The following LRP5 variants were observed in gnomAD, a reference collection of about 807,000 sequenced individuals.
The protein encoded by LRP5 is low-density lipoprotein receptor-related protein 5.
A neutral mutation model predicts 154.1 loss-of-function variants in LRP5; 62 were observed. The ratio of observed to expected loss-of-function variants is 0.40; its 90% confidence interval spans 0.33 to 0.50. The LOEUF is 0.50. LRP5 is among the 20% of genes least tolerant of loss of function. The probability of loss-of-function intolerance (pLI) is 0.55; values close to 1 mark genes in which losing one functional copy is unlikely to be tolerated. For synonymous variants in LRP5, 966 were observed against 1,011.5 expected (o/e 0.96, Z 0.85); for missense variants, 1,915 against 2,336.7 (o/e 0.82, Z 3.72).
Position 68,423,500 on chromosome 11 carries a change from G to C in LRP5, c.3039G>C (p.Leu1013Phe). 3.1e-6 allele frequency: 5 copies of C among 1,614,072 alleles called. No individual in the cohort carries two copies. The highest frequency in any genetic ancestry group is 4.2e-6 in the Non-Finnish European group (5 of 1,179,984). ...TCTTTGTCTTACAGCCCTTTGTTTT[G>C]ACCTCTCTGAGCCAAGGCCAAAACC... The part of the protein sequence containing the change: ...AKDDGTQPFV[L>F]TSLSQGQNPD... The change falls in exon 14 of 23, where the codon TTG (leucine) becomes TTC (phenylalanine). Residue 1013 changes from leucine (L) to phenylalanine (F), a missense_variant. By Grantham distance (22) the Leu-to-Phe change is conservative. Around this residue, in one of 3 missense-constraint regions of LRP5, gnomAD observed 1,094 missense variants for 1,210.1 expected, o/e 0.90. Transcript: ENST00000294304. This position sits in a 1 kb window ranked among gnomAD's most constrained non-coding sequence, Gnocchi z 4.7.
intron 5 of LRP5, among the ~76,000 whole-genome samples, chr11:68,370,352 C>T (rs892420150): frequency 1.3e-5 from 2 of 151,948 alleles, no homozygotes; most frequent in Non-Finnish European, 2.9e-5. Context: ...TTCCTGCAAG[C>T]GGGGGAGAGG....
intron 1 of LRP5, among the ~76,000 whole-genome samples, chr11:68,320,750 C>T (rs562114710): frequency 6.6e-5 from 10 of 152,258 alleles, no homozygotes; most frequent in South Asian, 2.1e-4. Context: ...ACATAAGCCA[C>T]GGTGCCAGCC....
intron 5 of LRP5, among the ~76,000 whole-genome samples, chr11:68,367,996 C>G (rs537538827): frequency 6.8e-6 from 1 of 146,908 alleles, no homozygotes; most frequent in East Asian, 2.0e-4. Flanking sequence ...GCCTAGGAGG[C>G]GGAGGTTGCA....
intron 2 of LRP5, among the ~76,000 whole-genome samples, chr11:68,351,130 A>T (rs2098618155): frequency 6.6e-6 from 1 of 152,124 alleles, no homozygotes; most frequent in African/African-American, 2.4e-5. Context: ...GGTGGAATTT[A>T]TCGCCAAAGT....
chr11:68,326,541 C>T (rs1489414278), intron 1 of LRP5, among the ~76,000 whole-genome samples: 1 of 152,248 alleles, frequency 6.6e-6, no homozygotes, highest in Non-Finnish European at 1.5e-5. Context: ...AGTGCCTTTG[C>T]CCCGCTCTGA....
At chr11:68,408,242 A>ATTTTTTTTTTTTTTTTTTTTTTTTTTTTT (rs11299690) in intron 9 of LRP5, among the ~76,000 whole-genome samples, 2 of 52,110 alleles carry the variant, frequency 3.8e-5, no homozygotes, top group African/African-American at 7.1e-5. Context: ...CTCCTGGCTG[A>ATTTTTTTTTTTTTTTTTTTTTTTTTTTTT]TTTTTTTTTT....
At position 68,410,145 on chromosome 11, in the gene LRP5, G is replaced by A; in HGVS notation, c.2318+5G>A. On this transcript the variant is annotated splice_donor_5th_base_variant and intron_variant, in intron 10 of 22. Transcript: ENST00000294304. The stretch of plus-strand genomic sequence containing the variant: ...GGCCCTGGATCCCACCAAGGGGTAA[G>A]TGTTTGCCTGTCCCGTGCGTCCTTG... The A allele has an allele frequency of 6.2e-7, 1 of 1,612,072 alleles. No homozygotes were observed. The highest frequency in any genetic ancestry group is 8.5e-7 in the Non-Finnish European group (1 of 1,178,738).
chr11:68,320,418 T>C (rs2098596076), intron 1 of LRP5, among the ~76,000 whole-genome samples: 1 of 152,124 alleles, frequency 6.6e-6, no homozygotes, highest in Admixed American at 6.6e-5. Context: ...CCTTGGCCCA[T>C]TTTTCTGTTG....
upstream of LRP5, among the ~76,000 whole-genome samples, chr11:68,309,772 G>A (rs2098586668): frequency 6.6e-6 from 1 of 152,062 alleles, no homozygotes; most frequent in Admixed American, 6.6e-5. Flanking sequence ...CCTGTGGCTG[G>A]AGCCCTGAGC....
chr11:68,407,709 T>C (rs1385178090), intron 9 of LRP5, among the ~76,000 whole-genome samples: 2 of 151,544 alleles, frequency 1.3e-5, no homozygotes, highest in East Asian at 3.9e-4. Context: ...TAACCGGGCA[T>C]GGCGGCGCCT....
At chr11:68,371,584 T>C (rs1390575453) in intron 5 of LRP5, among the ~76,000 whole-genome samples, 1 of 152,280 alleles carries the variant, frequency 6.6e-6, no homozygotes, top group African/African-American at 2.4e-5. Flanking sequence ...GGTTCCTCTG[T>C]GGCTTTCCAG....
chr11:68,386,737 T>TGGAGCCA lies in LRP5; in HGVS notation c.1412+28_1412+34dup. 1 of 1,605,880 alleles carries TGGAGCCA rather than the reference T, an allele frequency of 6.2e-7. No homozygotes were observed. Among genetic ancestry groups the TGGAGCCA allele is most frequent in the Non-Finnish European group, 8.5e-7 (1 of 1,176,242 alleles). On this transcript the variant is annotated intron_variant, in intron 6 of 22. Coordinates refer to ENST00000294304, the MANE Select transcript of LRP5 (RefSeq NM_002335.4). The surrounding 1 kb of genome is among the most constrained non-coding windows in gnomAD (Gnocchi z 7.9). ...GGTAAGACGGGCGGGGGCTGGGGCC[T>TGGAGCCA]GGAGCCAGGGCCAGGCCAAGCACAG...
At chr11:68,349,750 G>A (rs2098616714) in intron 2 of LRP5, among the ~76,000 whole-genome samples, 1 of 152,176 alleles carries the variant, frequency 6.6e-6, no homozygotes, top group Non-Finnish European at 1.5e-5. Context: ...GCTAGGCCAG[G>A]TCACCCCAGA....
the LRP5 span, among the ~76,000 whole-genome samples, chr11:68,302,857 CG>C: frequency 6.6e-6 from 1 of 152,150 alleles, no homozygotes; most frequent in Non-Finnish European, 1.5e-5. Context: ...GGTGTGTTCC[CG>C]GGGACCAGAT....
intron 21 of LRP5, among the ~76,000 whole-genome samples, chr11:68,445,214 C>T (rs1204974869): frequency 6.6e-6 from 1 of 152,192 alleles, no homozygotes; most frequent in Non-Finnish European, 1.5e-5. Context: ...ATTCTCCCAC[C>T]TCAGCCTCCC....
rs1219404259 is a variant in LRP5 at position 68,423,247 on chromosome 11, G to C, written c.3028-242G>C. ...TCTGGCATACTCAGGCGGGCACGTA[G>C]TTAGGAGCTGATTGGAGAGGAGAGA... On this transcript the variant is annotated intron_variant, in intron 13 of 22. Coordinates refer to ENST00000294304, the MANE Select transcript of LRP5 (RefSeq NM_002335.4). The surrounding 1 kb of genome is among the most constrained non-coding windows in gnomAD (Gnocchi z 4.7). Among the ~76,000 whole-genome samples, 1 of 152,220 alleles carries C rather than the reference G, an allele frequency of 6.6e-6. No homozygotes were observed. The highest frequency in any genetic ancestry group is 1.5e-5 in the Non-Finnish European group (1 of 68,032).
At chr11:68,397,788 T>G (rs1352591910) in intron 7 of LRP5, among the ~76,000 whole-genome samples, 3 of 152,246 alleles carry the variant, frequency 2.0e-5, no homozygotes, top group African/African-American at 7.2e-5. Context: ...GTACCAGGTC[T>G]GGGTCAGGAG....
At chr11:68,425,348 T>C in intron 15 of LRP5, 56 bp downstream of exon 15, 1 of 1,526,146 alleles carries the variant, frequency 6.6e-7, no homozygotes, top group Non-Finnish European at 8.8e-7. Flanking sequence ...TTGTCAGTAA[T>C]GGCAGCAGCT....
the LRP5 span, among the ~76,000 whole-genome samples, chr11:68,306,494 C>G: frequency 6.6e-6 from 1 of 152,158 alleles, no homozygotes; most frequent in Non-Finnish European, 1.5e-5. Context: ...CTGGATAATC[C>G]ACGATGAGCT....
Sources: gnomAD v4.1 joint callset for allele counts (sites outside exome capture counted in the v4.1 genomes callset) on GRCh38, gnomAD v4.1.1 for gene constraint, gnomAD v4.1.1 regional missense constraint, Gnocchi (gnomAD v3.1) non-coding constraint, MANE v1.5 for transcripts, NCBI Gene and HGNC (gene_info 2026-07-23, HGNC 2026-07-21) for gene names.